The following EPS8 variants were observed in gnomAD, a reference collection of about 807,000 sequenced individuals.
EPS8 encodes epidermal growth factor receptor kinase substrate 8.
In EPS8, 42 loss-of-function variants were observed where a neutral mutation model predicts 103.8. The ratio of observed to expected loss-of-function variants is 0.40; its 90% CI spans 0.32 to 0.52. EPS8 has a LOEUF of 0.52. Among genes scored for constraint, EPS8 ranks in the 20% least tolerant of loss-of-function variants. The probability of loss-of-function intolerance (pLI) is 0.40; values close to 1 mark genes in which losing one functional copy is unlikely to be tolerated. For missense variants in EPS8, 969 were observed against 1,005.1 expected (o/e 0.96, Z 0.49); for synonymous variants, 344 against 344.6 (o/e 1.00, Z 0.02).
chr12:15,622,145 G>T (rs1944870990), intron 20 of EPS8, among the ~76,000 whole-genome samples: 1 of 152,214 alleles, frequency 6.6e-6, no homozygotes, highest in East Asian at 1.9e-4. Flanking sequence ...AGAATTTTAG[G>T]AATATGGCAT....
rs536476697 is a variant in EPS8 at position 15,716,107 on chromosome 12, C to T, written c.-21-33135G>A. Among the ~76,000 whole-genome samples, 40 of 152,276 alleles carry T rather than the reference C, an allele frequency of 2.6e-4. No homozygotes were observed. The highest frequency in any genetic ancestry group is 1.2e-3 in the Admixed American group (18 of 15,294). Reference sequence around the variant, plus strand: ...TCCAACCCAACATTTCAAAGTATCACTAAACTTGAGAGCTGAAAGAAATCT... The same window carrying T: ...TCCAACCCAACATTTCAAAGTATCATTAAACTTGAGAGCTGAAAGAAATCT... On this transcript the variant is annotated intron_variant, in intron 1 of 20. Coordinates refer to ENST00000281172, the MANE Select transcript of EPS8 (RefSeq NM_004447.6). This position sits in a 1 kb window ranked among gnomAD's most constrained non-coding sequence, Gnocchi z 5.0.
At chr12:15,653,571 A>G (rs1370099800) in intron 13 of EPS8, among the ~76,000 whole-genome samples, 2 of 152,064 alleles carry the variant, frequency 1.3e-5, no homozygotes, top group East Asian at 1.9e-4. Flanking sequence ...TTGCCCTACT[A>G]TGGAACTGTG....
chr12:15,638,166 CTGT>C (rs2135747340), intron 17 of EPS8, among the ~76,000 whole-genome samples: 1 of 151,916 alleles, frequency 6.6e-6, no homozygotes, highest in African/African-American at 2.4e-5. Context: ...TGGGTATCTA[CTGT>C]TGTAGAGATA....
chr12:15,689,060 C>T (rs1476762459), intron 1 of EPS8, among the ~76,000 whole-genome samples: 1 of 152,058 alleles, frequency 6.6e-6, no homozygotes, highest in Non-Finnish European at 1.5e-5. Flanking sequence ...GACAAAGGAA[C>T]TTTTCTTGTT....
chr12:15,650,632 G>A (rs953405518), intron 14 of EPS8, among the ~76,000 whole-genome samples, 191 bp downstream of exon 14: 3 of 152,054 alleles, frequency 2.0e-5, no homozygotes, highest in African/African-American at 4.8e-5. Flanking sequence ...TGGGCTTCAC[G>A]GAGGAACAGA....
intron 3 of EPS8, among the ~76,000 whole-genome samples, chr12:15,678,399 C>G (rs1945945885): frequency 6.6e-6 from 1 of 152,176 alleles, no homozygotes; most frequent in Non-Finnish European, 1.5e-5. Flanking sequence ...AGCCATCTTA[C>G]TTCTAAGCCC....
At chr12:15,671,024 TA>T in intron 3 of EPS8, 101 bp from the exon 4 acceptor site, 1 of 740,846 alleles carries the variant, frequency 1.3e-6, no homozygotes. Context: ...ATCTCACATA[TA>T]AATACAGTAG....
intron 17 of EPS8, among the ~76,000 whole-genome samples, chr12:15,637,082 A>G (rs1043238677): frequency 1.3e-5 from 2 of 152,224 alleles, no homozygotes; most frequent in South Asian, 2.1e-4. Flanking sequence ...GTGCAGTGGC[A>G]CAATCTCGGC....
Position 15,788,701 on chromosome 12 carries a change from AC to A in EPS8, c.-22+459del, listed in dbSNP as rs557347659. Among the ~76,000 whole-genome samples the A allele has an allele frequency of 5.8e-3, 884 of 152,176 alleles. 4 individuals carry two copies. Among genetic ancestry groups the A allele is most frequent in the Admixed American group, 0.013 (195 of 15,294 alleles). On this transcript the variant is annotated intron_variant, in intron 1 of 20. Coordinates refer to ENST00000281172, the MANE Select transcript of EPS8 (RefSeq NM_004447.6). ...ATTCGAGGGGGTAAACGGGGGTGGGACCCTGCCCTAAAGGGTCATTTTGAAA... is the reference window on the plus strand; with the variant it reads ...ATTCGAGGGGGTAAACGGGGGTGGGACCTGCCCTAAAGGGTCATTTTGAAA...
At chr12:15,763,844 A>G (rs1947066301) in intron 1 of EPS8, among the ~76,000 whole-genome samples, 1 of 152,166 alleles carries the variant, frequency 6.6e-6, no homozygotes, top group South Asian at 2.1e-4. Context: ...ACCCCTATTT[A>G]TGTCCCCATA....
chr12:15,719,877 A>G (rs574830189), intron 1 of EPS8, among the ~76,000 whole-genome samples: 1 of 152,234 alleles, frequency 6.6e-6, no homozygotes, highest in Non-Finnish European at 1.5e-5. Flanking sequence ...ACATGGGGCT[A>G]TGAAAAACAG....
At chr12:15,782,255 G>A (rs1207201320) in intron 1 of EPS8, 1 of 152,072 alleles carries the variant, frequency 6.6e-6, no homozygotes, top group Admixed American at 6.6e-5. Context: ...CACTTTGGGA[G>A]GCCAACTTGG....
Position 15,682,904 on chromosome 12 carries a change from TG to T in EPS8, c.47del (p.Pro16HisfsTer4). ...ACTTTTCAACTTACTTCATCTGAGA[TG>T]GGTACATTCCAAAACTACTGGGATG... Reference protein sequence around the residue: ...SNHPSSFGMYPSQMNGYGSSP... With the variant: ...SNHPSSFGMYXSQMNGYGSSP... On this transcript the variant is annotated frameshift_variant, in exon 2 of 21. Transcript: ENST00000281172. LOFTEE classifies it high-confidence loss of function. 6.5e-7 allele frequency: 1 copy of T among 1,540,040 alleles called. No individual in the cohort carries two copies. Among genetic ancestry groups the T allele is most frequent in the Non-Finnish European group, 8.9e-7 (1 of 1,120,962 alleles).
At position 15,733,764 on chromosome 12, in the gene EPS8, A is replaced by G. The variant is rs1946741288; in HGVS notation, c.-21-50792T>C. Among the ~76,000 whole-genome samples, 1 of 152,264 alleles carries G rather than the reference A, an allele frequency of 6.6e-6. No individual in the cohort carries two copies. Among genetic ancestry groups the G allele is most frequent in the African/African-American group, 2.4e-5 (1 of 41,472 alleles). On this transcript the variant is annotated intron_variant, in intron 1 of 20. Transcript: ENST00000281172. This position sits in a 1 kb window ranked among gnomAD's most constrained non-coding sequence, Gnocchi z 4.8. ...ATATATCAAGGCATCCAGATGAATG[A>G]TTAAAATTCTAGAGAAGGGACTAGG...
intron 1 of EPS8, among the ~76,000 whole-genome samples, chr12:15,740,505 A>G (rs981488454): frequency 2.0e-5 from 3 of 152,086 alleles, no homozygotes; most frequent in Non-Finnish European, 2.9e-5. Flanking sequence ...AGATCATGCC[A>G]CTACACTCCA....
In EPS8 at chr12:15,736,753, A is replaced by C. The variant is rs1946770645; in HGVS notation, c.-22+52408T>G. ...TACATAAGATGCAAAGAAAAAATGC[A>C]TAAGGCATCCTCAGAGTATGTGATA... On this transcript the variant is annotated intron_variant, in intron 1 of 20. Coordinates refer to ENST00000281172, the MANE Select transcript of EPS8 (RefSeq NM_004447.6). This position sits in a 1 kb window ranked among gnomAD's most constrained non-coding sequence, Gnocchi z 4.2. Among the ~76,000 whole-genome samples the C allele has an allele frequency of 6.6e-6, 1 of 152,160 alleles. No homozygotes were observed. Among genetic ancestry groups the C allele is most frequent in the Admixed American group, 6.5e-5 (1 of 15,280 alleles).
intron 1 of EPS8, among the ~76,000 whole-genome samples, chr12:15,708,478 T>C (rs1946417926): frequency 6.6e-6 from 1 of 152,178 alleles, no homozygotes; most frequent in African/African-American, 2.4e-5. Context: ...TTATCTGAAA[T>C]TGGAGGGGAA....
Position 15,658,538 on chromosome 12 carries a change from G to C in EPS8, c.985C>G (p.Leu329Val), listed in dbSNP as rs1270976364. Residue 329 changes from leucine to valine, a missense_variant, in exon 11 of 21, where the codon CTT becomes GTT. Transcript: ENST00000281172. ...RAKPPPPDEF[L>V]DCFQKFKHGF... Reference sequence around the variant, plus strand: ...TGTTTAAACTTTTGGAAACAGTCAAGAAATTCATCAGGAGGTGGAGGTTTT... The same window carrying C: ...TGTTTAAACTTTTGGAAACAGTCAACAAATTCATCAGGAGGTGGAGGTTTT... 2 of 1,613,168 alleles carry C rather than the reference G, an allele frequency of 1.2e-6. No individual in the cohort carries two copies. Among genetic ancestry groups the C allele is most frequent in the Non-Finnish European group, 1.7e-6 (2 of 1,179,288 alleles).
chr12:15,651,526 C>A (rs1176937566), intron 13 of EPS8, among the ~76,000 whole-genome samples: 1 of 152,154 alleles, frequency 6.6e-6, no homozygotes, highest in Admixed American at 6.5e-5. Flanking sequence ...TAAACTGAAA[C>A]AGATGGCCAG....
Sources: gnomAD v4.1 joint callset for allele counts (sites outside exome capture counted in the v4.1 genomes callset) on GRCh38, gnomAD v4.1.1 for gene constraint, Gnocchi (gnomAD v3.1) non-coding constraint, MANE v1.5 for transcripts, NCBI Gene and HGNC (gene_info 2026-07-23, HGNC 2026-07-21) for gene names.